FANK1: variants seen among roughly 807,000 people sequenced by gnomAD.
FANK1 encodes the protein fibronectin type 3 and ankyrin repeat domains protein 1.
A neutral mutation model predicts 45.3 loss-of-function variants in FANK1; 44 were observed. The observed-to-expected ratio is 0.97, with a 90% CI of 0.76 to 1.25. The LOEUF is 1.25. FANK1 is among the 50% of genes most tolerant of loss of function. The pLI is 0.00. For synonymous variants in FANK1, 149 were observed against 152.5 expected (o/e 0.98, Z 0.17); for missense variants, 391 against 424.4 (o/e 0.92, Z 0.69).
intron 2 of FANK1, among the ~76,000 whole-genome samples, chr10:125,987,451 C>A (rs1273550593): frequency 6.6e-6 from 1 of 151,282 alleles, no homozygotes; most frequent in Admixed American, 6.6e-5. Flanking sequence ...ATCTAAGGAG[C>A]TATGGAGAAT....
At chr10:126,007,764 C>T (rs748464289) in intron 7 of FANK1, among the ~76,000 whole-genome samples, 9 of 152,232 alleles carry the variant, frequency 5.9e-5, no homozygotes, top group African/African-American at 9.6e-5. Flanking sequence ...CATGGATTGG[C>T]GATGTCTTCA....
intron 1 of FANK1, among the ~76,000 whole-genome samples, chr10:125,951,537 GT>G (rs1296146932): frequency 6.6e-6 from 1 of 152,102 alleles, no homozygotes; most frequent in Non-Finnish European, 1.5e-5. Flanking sequence ...TGTAGAAATT[GT>G]TTTCTGTTTG....
intron 1 of FANK1, among the ~76,000 whole-genome samples, chr10:125,897,018 T>C (rs1944590401): frequency 6.6e-6 from 1 of 152,302 alleles, no homozygotes; most frequent in Non-Finnish European, 1.5e-5. Context: ...GGTAGTTTGG[T>C]TCATTAATTG....
chr10:125,974,290 C>G (rs1590121341), intron 1 of FANK1, among the ~76,000 whole-genome samples: 1 of 152,312 alleles, frequency 6.6e-6, no homozygotes, highest in Non-Finnish European at 1.5e-5. Flanking sequence ...CCAGGGCAGC[C>G]CTGTCTTCGT....
At chr10:125,924,254 GTTT>G (rs796167530) in intron 1 of FANK1, among the ~76,000 whole-genome samples, 1 of 143,870 alleles carries the variant, frequency 7.0e-6, no homozygotes, top group African/African-American at 2.5e-5. Flanking sequence ...CTGATGCTTA[GTTT>G]TTTTTTTTTT....
intron 1 of FANK1, among the ~76,000 whole-genome samples, chr10:125,897,931 C>T (rs202151879): frequency 7.6e-6 from 1 of 131,224 alleles, no homozygotes; most frequent in African/African-American, 2.9e-5. Context: ...CTGAGGCAGG[C>T]GGATCACGAG....
chr10:125,945,870 A>G (rs978339453), intron 1 of FANK1, among the ~76,000 whole-genome samples: 22 of 152,290 alleles, frequency 1.4e-4, no homozygotes, highest in Admixed American at 7.2e-4. Flanking sequence ...CTTTGAAGAG[A>G]GCAGTGGTTC....
Position 125,996,488 on chromosome 10 carries a change from C to T in FANK1, c.399-62C>T, listed in dbSNP as rs372986796. 6.6e-5 allele frequency: 100 copies of T among 1,512,358 alleles called. No individual in the cohort carries two copies. In the African/African-American group the frequency reaches 6.8e-4, roughly 10 times the overall value. The allele number at this position is 1,512,358 out of a possible 1,614,324, so 93.7% of individuals were successfully genotyped here. On this transcript the variant is annotated intron_variant, in intron 4 of 10. Coordinates refer to ENST00000368693, the MANE Select transcript of FANK1 (RefSeq NM_145235.5). Reference sequence around the variant, plus strand: ...CCCACCTAAGCCCTGTGAGAACCACCGGCTTTGACTCTGCAGTAGCTGTAC... The same window carrying T: ...CCCACCTAAGCCCTGTGAGAACCACTGGCTTTGACTCTGCAGTAGCTGTAC...
chr10:125,903,668 T>A (rs1209165201), intron 1 of FANK1, among the ~76,000 whole-genome samples: 7 of 135,740 alleles, frequency 5.2e-5, no homozygotes, highest in Non-Finnish European at 1.2e-4. Flanking sequence ...CATCTCTAAT[T>A]TTTTTTTAAG....
chr10:126,002,991 C>G (rs953110098), intron 6 of FANK1, among the ~76,000 whole-genome samples: 1 of 152,072 alleles, frequency 6.6e-6, no homozygotes, highest in Admixed American at 6.6e-5. Flanking sequence ...TCTTCCACAG[C>G]TCTATTTGGG....
intron 1 of FANK1, among the ~76,000 whole-genome samples, chr10:125,904,108 T>C (rs1004923277): frequency 6.6e-6 from 1 of 152,178 alleles, no homozygotes; most frequent in African/African-American, 2.4e-5. Context: ...TCTGTATTGT[T>C]AGACAGGGCC....
intron 1 of FANK1, among the ~76,000 whole-genome samples, chr10:125,957,054 AC>A: frequency 6.6e-6 from 1 of 152,188 alleles, no homozygotes; most frequent in East Asian, 1.9e-4. Flanking sequence ...ACGGGGTTTC[AC>A]CATGTTAGCT....
intron 1 of FANK1, among the ~76,000 whole-genome samples, chr10:125,926,251 C>T (rs1404767039): frequency 6.6e-6 from 1 of 152,182 alleles, no homozygotes; most frequent in Non-Finnish European, 1.5e-5. Flanking sequence ...CACTCAGTTT[C>T]TCCCAATGGT....
intron 1 of FANK1, among the ~76,000 whole-genome samples, chr10:125,964,360 T>C (rs1332538971): frequency 6.6e-6 from 1 of 151,846 alleles, no homozygotes; most frequent in African/African-American, 2.4e-5. Flanking sequence ...GCCCAGCTAA[T>C]TTTTGTATTT....
chr10:125,906,209 G>A (rs1589785346), intron 1 of FANK1, among the ~76,000 whole-genome samples: 1 of 151,902 alleles, frequency 6.6e-6, no homozygotes. Flanking sequence ...AGATCTCCCA[G>A]GTCCGTTACA....
At chr10:125,899,258 C>G (rs1426785447) in intron 1 of FANK1, among the ~76,000 whole-genome samples, 1 of 152,220 alleles carries the variant, frequency 6.6e-6, no homozygotes, top group Non-Finnish European at 1.5e-5. Flanking sequence ...TGGGGTTTCT[C>G]CATGTTGGTC....
At position 125,951,962 on chromosome 10, in the gene FANK1, C is replaced by T. The variant is rs561537814; in HGVS notation, c.14-28199C>T. Among the ~76,000 whole-genome samples the T allele has an allele frequency of 3.3e-5, 5 of 152,216 alleles. No homozygotes were observed. The South Asian group carries it at 6.2e-4, about 19-fold the overall frequency. On this transcript the variant is annotated intron_variant, in intron 1 of 10. Coordinates refer to ENST00000368693, the MANE Select transcript of FANK1 (RefSeq NM_145235.5). ...GAATTATTGATGGGATACATGTGGG[C>T]GTTTTTCACTGGAACATTTGTTTCT...
intron 1 of FANK1, chr10:125,907,442 C>T: frequency 1.0e-6 from 1 of 976,400 alleles, no homozygotes; most frequent in Non-Finnish European, 1.2e-6. Context: ...TCTGTATGAT[C>T]TCTTCCTTTT....
At chr10:125,967,911 T>A (rs1348231039) in intron 1 of FANK1, among the ~76,000 whole-genome samples, 1 of 152,248 alleles carries the variant, frequency 6.6e-6, no homozygotes, top group Non-Finnish European at 1.5e-5. Context: ...TACAACCATT[T>A]TTGAATACAG....
Sources: allele counts gnomAD v4.1 joint callset (sites outside exome capture counted in the v4.1 genomes callset), GRCh38; gene constraint gnomAD v4.1.1; transcripts MANE v1.5; gene names NCBI Gene and HGNC (gene_info 2026-07-23, HGNC 2026-07-21).